ME1: variants seen among roughly 807,000 people sequenced by gnomAD.
ME1 encodes the protein malic enzyme 1, also known as NADP-dependent malic enzyme.
Under a neutral mutation model 66.4 loss-of-function variants are expected in ME1, and 74 were observed. The ratio of observed to expected loss-of-function variants is 1.11; its 90% confidence interval spans 0.92 to 1.35. ME1 has a LOEUF of 1.35. Ranked by LOEUF, ME1 falls within the 40% of genes most tolerant of loss-of-function variation. The probability of loss-of-function intolerance (pLI) is 0.00; values close to 1 mark genes in which losing one functional copy is unlikely to be tolerated. For missense variants in ME1, 750 were observed against 694.1 expected (o/e 1.08, Z -0.90); for synonymous variants, 251 against 235.6 (o/e 1.07, Z -0.60).
chr6:83,389,132 T>C (rs1295456459), intron 3 of ME1, among the ~76,000 whole-genome samples: 2 of 151,912 alleles, frequency 1.3e-5, no homozygotes, highest in African/African-American at 4.8e-5. Flanking sequence ...AGTAAAATAA[T>C]AATAATAATA....
chr6:83,288,029 A>G (rs1432744970), intron 6 of ME1, among the ~76,000 whole-genome samples: 1 of 151,956 alleles, frequency 6.6e-6, no homozygotes, highest in Non-Finnish European at 1.5e-5. Flanking sequence ...AATTTGTTTA[A>G]GTTCTTTGTA....
At chr6:83,383,943 A>G (rs774304522) in intron 3 of ME1, among the ~76,000 whole-genome samples, 1 of 151,886 alleles carries the variant, frequency 6.6e-6, no homozygotes, top group Non-Finnish European at 1.5e-5. Flanking sequence ...ACAATAAAAC[A>G]TATAGTATTG....
In ME1 at chr6:83,239,625, C is replaced by T. The variant is rs752555482; in HGVS notation, c.826G>A (p.Val276Ile). The T allele has an allele frequency of 2.5e-6, 4 of 1,611,856 alleles. No homozygotes were observed. The highest frequency in any genetic ancestry group is 3.4e-6 in the Non-Finnish European group (4 of 1,178,060). Residue 276 changes from valine (V) to isoleucine (I), a missense_variant, in exon 8 of 14, where the codon GTT (valine) becomes ATT (isoleucine). Val to Ile is a conservative substitution (Grantham distance 29). Coordinates refer to ENST00000369705, the MANE Select transcript of ME1 (RefSeq NM_002395.6). ...FNDDIQGTAS[V>I]AVAGLLAALR... is the part of the protein sequence containing the mutation. Reference sequence around the variant, plus strand: ...GCTGCAAGGAGACCTGCAACTGCAACAGATGCTGTTCCTGAAACAAGTAAT... The same window carrying T: ...GCTGCAAGGAGACCTGCAACTGCAATAGATGCTGTTCCTGAAACAAGTAAT...
At chr6:83,286,885 T>C (rs904405915) in intron 6 of ME1, among the ~76,000 whole-genome samples, 14 of 152,276 alleles carry the variant, frequency 9.2e-5, no homozygotes, top group African/African-American at 3.4e-4. Flanking sequence ...ACAGTGCAAG[T>C]ACCCTTTCCG....
chr6:83,428,492 G>GAAGAAGAC (rs1320795050), intron 1 of ME1, among the ~76,000 whole-genome samples: 2 of 152,306 alleles, frequency 1.3e-5, no homozygotes, highest in Admixed American at 6.5e-5. Context: ...TAGTGTGGTT[G>GAAGAAGAC]AAGAAGACAT....
At chr6:83,371,558 A>G (rs1353694487) in intron 3 of ME1, among the ~76,000 whole-genome samples, 1 of 152,226 alleles carries the variant, frequency 6.6e-6, no homozygotes, top group Admixed American at 6.5e-5. Flanking sequence ...ATGTATCAAC[A>G]GAAAAATATA....
chr6:83,232,445 AG>A (rs1562453870), intron 9 of ME1, among the ~76,000 whole-genome samples: 2 of 152,220 alleles, frequency 1.3e-5, no homozygotes, highest in Non-Finnish European at 2.9e-5. Context: ...GTAAGATAGT[AG>A]GTGGTGAACT....
intron 1 of ME1, among the ~76,000 whole-genome samples, chr6:83,427,944 A>T (rs958209124): frequency 6.6e-6 from 1 of 151,814 alleles, no homozygotes; most frequent in African/African-American, 2.4e-5. Context: ...CCCAGGAGGT[A>T]GAGTTTGCAG....
At chr6:83,365,429 C>T (rs1251449488) in intron 3 of ME1, among the ~76,000 whole-genome samples, 1 of 152,174 alleles carries the variant, frequency 6.6e-6, no homozygotes, top group African/African-American at 2.4e-5. Context: ...CAGTCTTCAA[C>T]ATTTCATGCA....
intron 9 of ME1, among the ~76,000 whole-genome samples, chr6:83,234,669 T>C (rs940597020): frequency 2.0e-5 from 3 of 152,206 alleles, no homozygotes; most frequent in Non-Finnish European, 4.4e-5. Context: ...ATCTGGATTA[T>C]TGCAACAGCT....
intron 6 of ME1, among the ~76,000 whole-genome samples, chr6:83,265,257 T>C (rs142874947): frequency 0.011 from 1,666 of 152,286 alleles, 21 homozygotes; most frequent in African/African-American, 0.031. Context: ...GCATACTTAG[T>C]ATCCTACAGT....
chr6:83,297,249 C>T (rs1469853384), intron 6 of ME1, among the ~76,000 whole-genome samples: 1 of 152,010 alleles, frequency 6.6e-6, no homozygotes, highest in African/African-American at 2.4e-5. Context: ...ATACAGCTAA[C>T]CAGAGAGTTG....
At chr6:83,233,149 A>C (rs1790335243) in intron 9 of ME1, among the ~76,000 whole-genome samples, 1 of 152,066 alleles carries the variant, frequency 6.6e-6, no homozygotes, top group Non-Finnish European at 1.5e-5. Flanking sequence ...AAATGCTCCA[A>C]ATCTTCACTG....
intron 6 of ME1, among the ~76,000 whole-genome samples, chr6:83,267,368 A>C (rs1188037736): frequency 1.3e-5 from 2 of 152,216 alleles, no homozygotes; most frequent in Admixed American, 1.3e-4. Flanking sequence ...AAGTATACTC[A>C]ACAGAGATCA....
intron 3 of ME1, among the ~76,000 whole-genome samples, chr6:83,354,091 TC>T (rs2128544827): frequency 6.6e-6 from 1 of 152,236 alleles, no homozygotes; most frequent in East Asian, 1.9e-4. Context: ...TCCTCTCTTC[TC>T]CAGCTACACT....
At position 83,227,428 on chromosome 6, in the gene ME1, C is replaced by A; in HGVS notation, c.1182G>T (p.Met394Ile). 6.2e-7 allele frequency: 1 copy of A among 1,602,808 alleles called. No individual in the cohort carries two copies. The highest frequency in any genetic ancestry group is 1.1e-5 in the South Asian group (1 of 89,314). The change falls in exon 11 of 14, where the codon ATG (methionine) becomes ATT (isoleucine). Residue 394 changes from methionine (M) to isoleucine (I), a missense_variant. Physicochemically the swap from Met to Ile is conservative, Grantham distance 10. Transcript: ENST00000369705. ...GAFSEQILKD[M>I]AAFNERPIIF... ...TAATAGGCCGTTCATTGAAGGCAGC[C>A]ATATCTTTGAGAATTTGTTCTGAGA...
chr6:83,367,182 A>G (rs1259395324), intron 3 of ME1, among the ~76,000 whole-genome samples: 3 of 151,874 alleles, frequency 2.0e-5, no homozygotes, highest in Non-Finnish European at 4.4e-5. Flanking sequence ...TTTTTTTCTG[A>G]GCAGTATGTC....
intron 6 of ME1, among the ~76,000 whole-genome samples, chr6:83,272,358 T>C (rs756694847): frequency 6.6e-6 from 1 of 152,178 alleles, no homozygotes; most frequent in African/African-American, 2.4e-5. Flanking sequence ...AATTTCCATA[T>C]TGGTGTGTGT....
chr6:83,315,764 G>A (rs2128539324), intron 5 of ME1, among the ~76,000 whole-genome samples: 1 of 152,206 alleles, frequency 6.6e-6, no homozygotes, highest in East Asian at 1.9e-4. Context: ...GGGTGTGGTG[G>A]TGTGCATCTG....
Sources: allele counts gnomAD v4.1 joint callset (sites outside exome capture counted in the v4.1 genomes callset), GRCh38; gene constraint gnomAD v4.1.1; transcripts MANE v1.5; gene names NCBI Gene and HGNC (gene_info 2026-07-23, HGNC 2026-07-21).